The following RECQL variants were observed in gnomAD, a reference collection of about 807,000 sequenced individuals.
The protein encoded by RECQL is RecQ like helicase, also known as ATP-dependent DNA helicase Q1.
A neutral mutation model predicts 75.8 loss-of-function variants in RECQL; 73 were observed. That is an observed-to-expected ratio of 0.96 (90% CI 0.80 to 1.17). The LOEUF is 1.17. RECQL is among the 50% of genes most tolerant of loss of function. The probability of loss-of-function intolerance (pLI) is 0.00; values close to 1 mark genes in which losing one functional copy is unlikely to be tolerated. For missense variants in RECQL, 699 were observed against 772.1 expected, an observed-to-expected ratio of 0.91 and a Z score of 1.12; for synonymous variants, 248 against 254.4, an observed-to-expected ratio of 0.97 and a Z score of 0.24.
At chr12:21,483,264 A>G (rs1331847047) in intron 6 of RECQL, 112 bp downstream of exon 6, 1 of 781,884 alleles carries the variant, frequency 1.3e-6, no homozygotes. Flanking sequence ...CGGATATTCA[A>G]TGTGTAACTA....
At chr12:21,485,184 G>A (rs559883641) in intron 5 of RECQL, among the ~76,000 whole-genome samples, 168 of 145,578 alleles carry the variant, frequency 1.2e-3, no homozygotes, top group African/African-American at 4.0e-3. Flanking sequence ...TACCACTTGA[G>A]TGATACCACA....
chr12:21,478,140 C>A (rs753961446), intron 6 of RECQL, among the ~76,000 whole-genome samples, 171 bp from the exon 7 acceptor site: 12 of 151,936 alleles, frequency 7.9e-5, no homozygotes, highest in Non-Finnish European at 1.8e-4. Context: ...GGCTTTATTA[C>A]GTTTATTTCA....
chr12:21,469,553 A>G lies in RECQL; in HGVS notation c.*641T>C, dbSNP rs887292389. ...TGTCAGTATAATATTGCTTTCAAAA[A>G]GATGGTTATGTCAAAAGAAAAAATA... On this transcript the variant is annotated 3_prime_UTR_variant, in exon 15 of 15. Transcript: ENST00000444129. The G allele has an allele frequency of 6.6e-6, 1 of 151,900 alleles. No homozygotes were observed. Among genetic ancestry groups the G allele is most frequent in the African/African-American group, 2.4e-5 (1 of 41,338 alleles). 9.4% of individuals were successfully genotyped at this position (151,900 alleles called of 1,614,324 possible). A position where few individuals can be genotyped will look rare whatever the true frequency, so the allele number is the denominator to read the frequency against.
Position 21,469,897 on chromosome 12 carries a change from A to G in RECQL, c.*297T>C, listed in dbSNP as rs1232502964. Reference sequence around the variant, plus strand: ...GTCAAAAGAAAAAATATAGCTAAGTATATAAAGGCATAAAAAACTTAAGAC... The same window carrying G: ...GTCAAAAGAAAAAATATAGCTAAGTGTATAAAGGCATAAAAAACTTAAGAC... On this transcript the variant is annotated 3_prime_UTR_variant, in exon 15 of 15. Coordinates refer to ENST00000444129, the MANE Select transcript of RECQL (RefSeq NM_002907.4). 1 of 247,498 alleles carries G rather than the reference A, an allele frequency of 4.0e-6. No homozygotes were observed. Among genetic ancestry groups the G allele is most frequent in the Non-Finnish European group, 7.8e-6 (1 of 128,792 alleles). 15.3% of individuals were successfully genotyped at this position (247,498 alleles called of 1,614,324 possible). A position where few individuals can be genotyped will look rare whatever the true frequency, so the allele number is the denominator to read the frequency against.
intron 11 of RECQL, 119 bp downstream of exon 11, chr12:21,474,722 C>T (rs1943047789): frequency 2.1e-6 from 2 of 944,080 alleles, no homozygotes; most frequent in East Asian, 5.0e-5. Flanking sequence ...CCAACATCTG[C>T]TTTTATGGAT....
chr12:21,499,762 A>G (rs1447686960), intron 1 of RECQL, 147 bp from the exon 2 acceptor site: 3 of 499,894 alleles, frequency 6.0e-6, no homozygotes, highest in South Asian at 3.5e-5. Context: ...TAAGAACCAC[A>G]TGGTTCTTTT....
Position 21,491,494 on chromosome 12 carries a change from C to CA in RECQL, c.214+24dup, listed in dbSNP as rs140439673. On this transcript the variant is annotated intron_variant, in intron 3 of 14. Transcript: ENST00000444129. The stretch of plus-strand genomic sequence containing the variant: ...AAAATATGAGAAGAAATAAAACTAG[C>CA]AAAAAAAAAAAAAAAAAAGTTAACC... The CA allele has an allele frequency of 0.16, 206,395 of 1,276,478 alleles. 108 individuals are homozygous for CA. Among genetic ancestry groups the CA allele is most frequent in the Non-Finnish European group, 0.17 (169,568 of 980,226 alleles). 79.1% of individuals were successfully genotyped at this position (1,276,478 alleles called of 1,614,324 possible).
intron 4 of RECQL, among the ~76,000 whole-genome samples, chr12:21,489,017 C>T (rs1943358739): frequency 6.6e-6 from 1 of 152,212 alleles, no homozygotes; most frequent in South Asian, 2.1e-4. Flanking sequence ...CTTCTGCCTA[C>T]TCACCCTTTA....
intron 2 of RECQL, among the ~76,000 whole-genome samples, chr12:21,492,343 C>G (rs1359332380): frequency 6.6e-6 from 1 of 152,116 alleles, no homozygotes; most frequent in Non-Finnish European, 1.5e-5. Context: ...TCTAATCAAT[C>G]TAAGTATTAA....
At chr12:21,497,653 C>G (rs1943532711) in intron 2 of RECQL, among the ~76,000 whole-genome samples, 1 of 152,092 alleles carries the variant, frequency 6.6e-6, no homozygotes, top group Non-Finnish European at 1.5e-5. Flanking sequence ...TATTTGTGTC[C>G]AATGTGAATG....
intron 6 of RECQL, among the ~76,000 whole-genome samples, chr12:21,482,445 A>C (rs1470990318): frequency 6.6e-6 from 1 of 152,198 alleles, no homozygotes. Flanking sequence ...AATAGGGACA[A>C]GTATAAGGAC....
Position 21,471,003 on chromosome 12 carries a change from A to T in RECQL, c.1763T>A (p.Met588Lys), listed in dbSNP as rs371403952. Residue 588 changes from methionine (M) to lysine (K), a missense_variant, in exon 14 of 15, where the codon ATG becomes AAG. Transcript: ENST00000444129. ...GTTCTGCGTGGACTTTGTCACTTGC[A>T]TAGTAATAGCATGTGCCTCATTGTT... ...LLNNEAHAITMQVTKSTQNSF... is the reference protein window; with the variant it reads ...LLNNEAHAITKQVTKSTQNSF... 23 of 1,569,380 alleles carry T rather than the reference A, an allele frequency of 1.5e-5. No homozygotes were observed. Among genetic ancestry groups the T allele is most frequent in the Admixed American group, 9.8e-5 (5 of 50,886 alleles).
At chr12:21,473,692 TAAG>T (rs1359772232) in intron 11 of RECQL, 50 bp from the exon 12 acceptor site, 2 of 1,473,250 alleles carry the variant, frequency 1.4e-6, no homozygotes, top group African/African-American at 2.8e-5. Context: ...AATAAAGTTT[TAAG>T]AATCTCTATT....
intron 6 of RECQL, 44 bp from the exon 7 acceptor site, chr12:21,478,013 TTAGAG>T (rs1565566364): frequency 2.6e-6 from 4 of 1,528,150 alleles, no homozygotes; most frequent in Non-Finnish European, 3.5e-6. Flanking sequence ...CCTTTAAGAG[TTAGAG>T]TAAATTATAT....
intron 2 of RECQL, among the ~76,000 whole-genome samples, chr12:21,493,850 A>G (rs1042307002): frequency 6.6e-6 from 1 of 152,244 alleles, no homozygotes; most frequent in Non-Finnish European, 1.5e-5. Context: ...CCTAGAGGAT[A>G]AAACACAAAG....
At chr12:21,494,813 C>G (rs1435489968) in intron 2 of RECQL, among the ~76,000 whole-genome samples, 1 of 152,192 alleles carries the variant, frequency 6.6e-6, no homozygotes, top group Non-Finnish European at 1.5e-5. Flanking sequence ...GCTCCCCTGG[C>G]TGTTCTCTGT....
chr12:21,483,297 G>C (rs1943225828), intron 6 of RECQL, 79 bp downstream of exon 6: 1 of 898,464 alleles, frequency 1.1e-6, no homozygotes, highest in South Asian at 1.6e-5. Context: ...TTTAATAGAA[G>C]CAGAGATTTC....
chr12:21,471,666 G>A lies in RECQL; in HGVS notation c.1448-19C>T, dbSNP rs1376435289. The A allele has an allele frequency of 1.3e-6, 2 of 1,582,406 alleles. No individual in the cohort carries two copies. The highest frequency in any genetic ancestry group is 1.7e-6 in the Non-Finnish European group (2 of 1,152,104). Reference sequence around the variant, plus strand: ...TCAAATGCTGTAATAAAACAAATATGGTAGCAGGTAATTAGGATTTAGAAA... The same window carrying A: ...TCAAATGCTGTAATAAAACAAATATAGTAGCAGGTAATTAGGATTTAGAAA... On this transcript the variant is annotated intron_variant, in intron 12 of 14. Coordinates refer to ENST00000444129, the MANE Select transcript of RECQL (RefSeq NM_002907.4).
At chr12:21,488,213 A>C (rs973947934) in intron 4 of RECQL, among the ~76,000 whole-genome samples, 9 of 152,182 alleles carry the variant, frequency 5.9e-5, no homozygotes, top group African/African-American at 1.9e-4. Context: ...CGTATTTGAC[A>C]TTTTGCTAAC....
Sources: gnomAD v4.1 joint callset for allele counts (sites outside exome capture counted in the v4.1 genomes callset) on GRCh38, gnomAD v4.1.1 for gene constraint, MANE v1.5 for transcripts, NCBI Gene and HGNC (gene_info 2026-07-23, HGNC 2026-07-21) for gene names.